The following NRXN3 variants were observed in gnomAD, a reference collection of about 807,000 sequenced individuals.
NRXN3 encodes neurexin III.
In NRXN3, 32 loss-of-function variants were observed where a neutral mutation model predicts 137.6. That is an observed-to-expected ratio of 0.23 (90% CI 0.18 to 0.31). The LOEUF (loss-of-function observed/expected upper bound fraction) is 0.31, where lower values mean the gene tolerates loss of function less well. Ranked by LOEUF, NRXN3 falls within the 10% of genes least tolerant of loss-of-function variation. NRXN3 has a pLI of 1.00. For missense variants in NRXN3, 1,574 were observed against 2,062.5 expected, an observed-to-expected ratio of 0.76 and a Z score of 4.59; for synonymous variants, 798 against 784.5, an observed-to-expected ratio of 1.02 and a Z score of -0.29.
At chr14:79,110,802 A>ATTTT (rs1434356949) in intron 15 of NRXN3, among the ~76,000 whole-genome samples, 1 of 149,752 alleles carries the variant, frequency 6.7e-6, no homozygotes, top group African/African-American at 2.5e-5. Flanking sequence ...TTATTTTTTT[A>ATTTT]TTTTTTGAGA....
At chr14:78,967,009 A>G in intron 12 of NRXN3, among the ~76,000 whole-genome samples, 199 bp from the exon 13 acceptor site, 1 of 152,164 alleles carries the variant, frequency 6.6e-6, no homozygotes, top group East Asian at 1.9e-4. Context: ...AGTGGACTCG[A>G]TGAGTATGGA....
rs80220698 is a variant in NRXN3 at position 79,047,334 on chromosome 14, C to G, written c.3262+59193C>G. ...CTAGACAATAGCTAAAATTATAAAG[C>G]TTCTAGGAGAAAACATGGGAAAATA... On this transcript the variant is annotated intron_variant, in intron 15 of 20. Coordinates refer to ENST00000335750, the MANE Select transcript of NRXN3 (RefSeq NM_001330195.2). Among the ~76,000 whole-genome samples the G allele has an allele frequency of 1.1e-3, 163 of 152,096 alleles. 4 individuals are homozygous for G. In the East Asian group the frequency reaches 0.027, roughly 25 times the overall value.
intron 1 of NRXN3, among the ~76,000 whole-genome samples, chr14:78,239,014 T>A (rs991584030): frequency 6.6e-6 from 1 of 152,256 alleles, no homozygotes; most frequent in African/African-American, 2.4e-5. Context: ...GAGGTTGGCA[T>A]CCAGAGAGGC....
chr14:79,335,258 T>A (rs1464920939), intron 15 of NRXN3, among the ~76,000 whole-genome samples: 2 of 152,128 alleles, frequency 1.3e-5, no homozygotes, highest in Non-Finnish European at 2.9e-5. Flanking sequence ...GTGGGATGTG[T>A]GTATTTGTGT....
intron 15 of NRXN3, among the ~76,000 whole-genome samples, chr14:79,030,056 T>C (rs1367452698): frequency 4.0e-5 from 6 of 150,526 alleles, no homozygotes; most frequent in Middle Eastern, 6.8e-3. Context: ...TTTCTTTTTT[T>C]TTTTTTGTAG....
chr14:78,614,209 G>A (rs1003327998), intron 4 of NRXN3, among the ~76,000 whole-genome samples: 1 of 152,170 alleles, frequency 6.6e-6, no homozygotes, highest in Non-Finnish European at 1.5e-5. Context: ...ATTCAAGAGG[G>A]TGTCAAACAG....
At chr14:78,456,841 CTTTCTTTCTTTCTTTT>C (rs2094733464) in intron 4 of NRXN3, among the ~76,000 whole-genome samples, 1 of 131,796 alleles carries the variant, frequency 7.6e-6, no homozygotes, top group Non-Finnish European at 1.7e-5. Context: ...TTCTTTCTTT[CTTTCTTTCTTTCTTTT>C]TCTCTTTCTT....
Position 78,833,407 on chromosome 14 carries a change from A to G in NRXN3, c.2275+23063A>G, listed in dbSNP as rs556369125. ...GTCTCCTGTTGTCATCTCTAGGGGAATTGCAGTGTGTCCATCCACCCTTGA... is the reference window on the plus strand; with the variant it reads ...GTCTCCTGTTGTCATCTCTAGGGGAGTTGCAGTGTGTCCATCCACCCTTGA... On this transcript the variant is annotated intron_variant, in intron 10 of 20. Transcript: ENST00000335750. 3.9e-5 allele frequency among the ~76,000 whole-genome samples: 6 copies of G among 152,266 alleles called. No homozygotes were observed. In the East Asian group the frequency reaches 1.2e-3, roughly 30 times the overall value.
chr14:78,432,675 T>C (rs1053460497), intron 4 of NRXN3, among the ~76,000 whole-genome samples: 2 of 152,344 alleles, frequency 1.3e-5, no homozygotes, highest in Admixed American at 6.5e-5. Flanking sequence ...TCTAATTCCT[T>C]CTTCCCTCAC....
intron 20 of NRXN3, among the ~76,000 whole-genome samples, chr14:79,828,224 T>C (rs1232441549): frequency 6.6e-6 from 1 of 152,178 alleles, no homozygotes; most frequent in African/African-American, 2.4e-5. Context: ...GAGTGAATTC[T>C]CCGATCCTGT....
At position 79,336,742 on chromosome 14, in the gene NRXN3, C is replaced by A. The variant is rs140637092; in HGVS notation, c.3263-130479C>A. 1.1e-4 allele frequency among the ~76,000 whole-genome samples: 16 copies of A among 152,314 alleles called. No homozygotes were observed. The East Asian group carries it at 3.1e-3, about 29-fold the overall frequency. On this transcript the variant is annotated intron_variant, in intron 15 of 20. Transcript: ENST00000335750. ...CCTAATTGAATCACCTGTGCTATGA[C>A]TCTTTCAACTCCTAAGGCATAATTG...
chr14:79,751,016 C>G lies in NRXN3; in HGVS notation c.4014+53079C>G, dbSNP rs547948116. Among the ~76,000 whole-genome samples the G allele has an allele frequency of 2.0e-5, 3 of 152,210 alleles. No individual in the cohort carries two copies. In the South Asian group the frequency reaches 6.2e-4, roughly 32 times the overall value. ...TGAAACAAAGCTGTGATGCCTCCAG[C>G]TTTGTTCTTTTGGCTTAGGATTGAC... On this transcript the variant is annotated intron_variant, in intron 19 of 20. Transcript: ENST00000335750.
At chr14:79,362,613 C>T (rs2093725033) in intron 15 of NRXN3, among the ~76,000 whole-genome samples, 1 of 152,150 alleles carries the variant, frequency 6.6e-6, no homozygotes, top group South Asian at 2.1e-4. Flanking sequence ...ACCTATGTTT[C>T]ATAGAAACAT....
rs556523190 is a variant in NRXN3 at position 79,342,722 on chromosome 14, A to G, written c.3263-124499A>G. Among the ~76,000 whole-genome samples, 7 of 152,294 alleles carry G rather than the reference A, an allele frequency of 4.6e-5. No individual in the cohort carries two copies. The East Asian group carries it at 1.2e-3, about 25-fold the overall frequency. On this transcript the variant is annotated intron_variant, in intron 15 of 20. Coordinates refer to ENST00000335750, the MANE Select transcript of NRXN3 (RefSeq NM_001330195.2). The stretch of plus-strand genomic sequence containing the variant: ...TGCTTTGGAGTGCTAGAAACAGCAA[A>G]TCTGGCTCAAATTGCTCCAACCAAT...
chr14:78,210,846 A>G (rs936456287), intron 1 of NRXN3, among the ~76,000 whole-genome samples: 1 of 150,934 alleles, frequency 6.6e-6, no homozygotes, highest in African/African-American at 2.5e-5. Flanking sequence ...TTTATTGTCG[A>G]GCAAATCGTT....
intron 16 of NRXN3, among the ~76,000 whole-genome samples, chr14:79,544,429 G>A (rs1741464656): frequency 6.6e-6 from 1 of 152,196 alleles, no homozygotes; most frequent in Admixed American, 6.5e-5. Context: ...CTTCTTTAAA[G>A]CATCTCTTCT....
intron 6 of NRXN3, among the ~76,000 whole-genome samples, chr14:78,687,481 A>G (rs1285004528): frequency 6.6e-6 from 1 of 152,220 alleles, no homozygotes; most frequent in Non-Finnish European, 1.5e-5. Flanking sequence ...GATGAATTGT[A>G]CATTGAGTAT....
intron 16 of NRXN3, among the ~76,000 whole-genome samples, chr14:79,470,748 TAAC>T (rs1336006023): frequency 1.3e-5 from 2 of 152,072 alleles, no homozygotes; most frequent in East Asian, 1.9e-4. Context: ...CTTTATAAAA[TAAC>T]AACAACAATA....
At chr14:79,839,905 A>G (rs1275088849) in intron 20 of NRXN3, among the ~76,000 whole-genome samples, 1 of 152,196 alleles carries the variant, frequency 6.6e-6, no homozygotes, top group Non-Finnish European at 1.5e-5. Flanking sequence ...ACATATTAGA[A>G]ACTGATAGAA....
Sources: allele counts gnomAD v4.1 joint callset (sites outside exome capture counted in the v4.1 genomes callset), GRCh38; gene constraint gnomAD v4.1.1; transcripts MANE v1.5; gene names NCBI Gene and HGNC (gene_info 2026-07-23, HGNC 2026-07-21).